The following SHISA5 variants were observed in gnomAD, a reference collection of about 807,000 sequenced individuals.
The protein encoded by SHISA5 is protein shisa-5.
Under a neutral mutation model 27.5 loss-of-function variants are expected in SHISA5, and 21 were observed. That is an observed-to-expected ratio of 0.76 (90% CI 0.54 to 1.10). The LOEUF is 1.10. SHISA5 is among the 50% of genes least tolerant of loss of function. The probability of loss-of-function intolerance (pLI) is 0.00; values close to 1 mark genes in which losing one functional copy is unlikely to be tolerated. For missense variants in SHISA5, 314 were observed against 336.3 expected, an observed-to-expected ratio of 0.93 and a Z score of 0.52; for synonymous variants, 137 against 142.2, an observed-to-expected ratio of 0.96 and a Z score of 0.26.
Position 48,473,455 on chromosome 3 carries a change from CAGG to C in SHISA5, c.315-3615_315-3613del. 7.7e-7 allele frequency: 1 copy of C among 1,295,514 alleles called. No individual in the cohort carries two copies. Among genetic ancestry groups the C allele is most frequent in the Non-Finnish European group, 1.0e-6 (1 of 993,036 alleles). The allele number at this position is 1,295,514 out of a possible 1,614,324, so 80.3% of individuals were successfully genotyped here. ...CCACCGGCCCTGTTCCACCAGCCTC[CAGG>C]AGGAGCTTCTGCATCCATCTAGGCC... is the stretch of plus-strand genomic sequence containing the variant. On this transcript the variant is annotated intron_variant, in intron 3 of 5. Transcript: ENST00000296444. This position sits in a 1 kb window ranked among gnomAD's most constrained non-coding sequence, Gnocchi z 4.3.
chr3:48,483,091 AT>A (rs71074250), intron 2 of SHISA5, among the ~76,000 whole-genome samples: 418 of 142,774 alleles, frequency 2.9e-3, no homozygotes, highest in Middle Eastern at 7.1e-3. Context: ...CACCTAGCTA[AT>A]TTTTTTTTTT....
intron 2 of SHISA5, among the ~76,000 whole-genome samples, chr3:48,481,911 CA>C (rs568696308): frequency 1.3e-5 from 2 of 149,650 alleles, no homozygotes; most frequent in East Asian, 2.0e-4. Flanking sequence ...ACTAAAAATA[CA>C]AAAAAAATTA....
chr3:48,473,682 C>G lies in SHISA5; in HGVS notation c.315-3839G>C, dbSNP rs999267229. ...CCAGCTATGGCTCCTGTAGCTCTTG[C>G]GATTACAAAGGAATTTGCTTTATAA... On this transcript the variant is annotated intron_variant, in intron 3 of 5. Transcript: ENST00000296444. The surrounding 1 kb of genome is among the most constrained non-coding windows in gnomAD (Gnocchi z 4.3). 4 of 1,025,922 alleles carry G rather than the reference C, an allele frequency of 3.9e-6. No individual in the cohort carries two copies. Among genetic ancestry groups the G allele is most frequent in the Non-Finnish European group, 5.0e-6 (4 of 802,880 alleles). 63.6% of individuals were successfully genotyped at this position (1,025,922 alleles called of 1,614,324 possible). A position where few individuals can be genotyped will look rare whatever the true frequency, so the allele number is the denominator to read the frequency against.
chr3:48,497,887 C>CAA (rs58891931), intron 2 of SHISA5, among the ~76,000 whole-genome samples: 10,297 of 132,878 alleles, frequency 0.077, 607 homozygotes, highest in African/African-American at 0.16. Flanking sequence ...GAGACTGTCT[C>CAA]AAAAAAAAAA....
chr3:48,501,587 C>A (rs540487885), intron 1 of SHISA5, among the ~76,000 whole-genome samples: 35 of 152,250 alleles, frequency 2.3e-4, no homozygotes, highest in Admixed American at 1.8e-3. Flanking sequence ...TGGGGCCACA[C>A]CCTGCTCTCA....
intron 3 of SHISA5, among the ~76,000 whole-genome samples, chr3:48,471,077 G>C (rs1002974932): frequency 6.6e-6 from 1 of 151,902 alleles, no homozygotes; most frequent in Non-Finnish European, 1.5e-5. Context: ...GCCCAGGCTG[G>C]AGTGCAGTGA....
intron 2 of SHISA5, among the ~76,000 whole-genome samples, chr3:48,484,416 T>C (rs921138588): frequency 4.6e-5 from 7 of 151,462 alleles, no homozygotes; most frequent in African/African-American, 7.3e-5. Context: ...GCCAACATGG[T>C]GAAACCCTGT....
At position 48,469,504 on chromosome 3, in the gene SHISA5, G is replaced by A; in HGVS notation, c.500C>T (p.Pro167Leu). The A allele has an allele frequency of 6.2e-7, 1 of 1,613,914 alleles. No homozygotes were observed. Among genetic ancestry groups the A allele is most frequent in the Non-Finnish European group, 8.5e-7 (1 of 1,179,928 alleles). ...APYPQPPSVPPSYPGPSYQGY... is the reference protein window; with the variant it reads ...APYPQPPSVPLSYPGPSYQGY... Reference sequence around the variant, plus strand: ...CTGGTAGCTTGGTCCAGGGTAGCTGGGCGGCACACTTGGAGGCTGAGGATA... The same window carrying A: ...CTGGTAGCTTGGTCCAGGGTAGCTGAGCGGCACACTTGGAGGCTGAGGATA... The change falls in exon 5 of 6, where the codon CCC becomes CTC. Residue 167 changes from proline to leucine, a missense_variant. By Grantham distance (98) the Pro-to-Leu change is moderately conservative (BLOSUM62 -3). Coordinates refer to ENST00000296444, the MANE Select transcript of SHISA5 (RefSeq NM_016479.6). This position sits in a 1 kb window ranked among gnomAD's most constrained non-coding sequence, Gnocchi z 4.6.
In SHISA5 at chr3:48,469,099, G is replaced by A. The variant is rs1193525168; in HGVS notation, c.*8C>T. 2 of 1,612,784 alleles carry A rather than the reference G, an allele frequency of 1.2e-6. No homozygotes were observed. The highest frequency in any genetic ancestry group is 2.7e-5 in the African/African-American group (2 of 74,936). ...AACCAAGTGGCAGCCAGAGAGGCCA[G>A]GGAATGCTCAGAGGGCCGCCTTCGG... is the stretch of plus-strand genomic sequence containing the variant. On this transcript the variant is annotated 3_prime_UTR_variant, in exon 6 of 6. Coordinates refer to ENST00000296444, the MANE Select transcript of SHISA5 (RefSeq NM_016479.6). This position sits in a 1 kb window ranked among gnomAD's most constrained non-coding sequence, Gnocchi z 4.6.
At chr3:48,501,064 A>G in intron 2 of SHISA5, 73 bp downstream of exon 2, 1 of 1,447,218 alleles carries the variant, frequency 6.9e-7, no homozygotes, top group Non-Finnish European at 9.4e-7. Context: ...GGGCAGAGCT[A>G]TCTCTCTTCC....
At position 48,470,637 on chromosome 3, in the gene SHISA5, T is replaced by C. The variant is rs1041519479; in HGVS notation, c.315-794A>G. Reference sequence around the variant, plus strand: ...CCTGGGCTGGGAAGCTCACCAAAATTGACTTCTAGGAGGGGGCAGTGGCTC... The same window carrying C: ...CCTGGGCTGGGAAGCTCACCAAAATCGACTTCTAGGAGGGGGCAGTGGCTC... On this transcript the variant is annotated intron_variant, in intron 3 of 5. Coordinates refer to ENST00000296444, the MANE Select transcript of SHISA5 (RefSeq NM_016479.6). The surrounding 1 kb of genome is among the most constrained non-coding windows in gnomAD (Gnocchi z 4.3). Among the ~76,000 whole-genome samples the C allele has an allele frequency of 6.6e-6, 1 of 152,112 alleles. No homozygotes were observed. Among genetic ancestry groups the C allele is most frequent in the African/African-American group, 2.4e-5 (1 of 41,428 alleles).
chr3:48,491,929 G>T (rs2041439687), intron 2 of SHISA5, among the ~76,000 whole-genome samples: 1 of 151,816 alleles, frequency 6.6e-6, no homozygotes, highest in Non-Finnish European at 1.5e-5. Flanking sequence ...TGCATTTCTG[G>T]CTTCACAGGT....
At chr3:48,472,021 A>G (rs1169383420) in intron 3 of SHISA5, among the ~76,000 whole-genome samples, 1 of 151,618 alleles carries the variant, frequency 6.6e-6, no homozygotes, top group Admixed American at 6.6e-5. Context: ...TGTCTCTACT[A>G]AAAATACAAA....
In SHISA5 at chr3:48,473,338, T is replaced by C. The variant is rs1411116404; in HGVS notation, c.315-3495A>G. 5.8e-6 allele frequency: 8 copies of C among 1,380,308 alleles called. No individual in the cohort carries two copies. Among genetic ancestry groups the C allele is most frequent in the Non-Finnish European group, 6.7e-6 (7 of 1,049,368 alleles). The allele number at this position is 1,380,308 out of a possible 1,614,324, so 85.5% of individuals were successfully genotyped here. A position where few individuals can be genotyped will look rare whatever the true frequency, so the allele number is the denominator to read the frequency against. ...CAGGGCCTGACCTCAGAATGCAGCC[T>C]GGCCACTAGGGGGTCTAAGAGCCAC... On this transcript the variant is annotated intron_variant, in intron 3 of 5. Transcript: ENST00000296444. The surrounding 1 kb of genome is among the most constrained non-coding windows in gnomAD (Gnocchi z 4.3).
rs1258319633 is a variant in SHISA5 at position 48,470,529 on chromosome 3, A to G, written c.315-686T>C. Among the ~76,000 whole-genome samples, 1 of 152,198 alleles carries G rather than the reference A, an allele frequency of 6.6e-6. No homozygotes were observed. Among genetic ancestry groups the G allele is most frequent in the Non-Finnish European group, 1.5e-5 (1 of 68,046 alleles). ...CTCTGACCTGCATGGCCACTTCCACAGGTGAGAGGGCCAAGAGCCAAGGGG... is the reference window on the plus strand; with the variant it reads ...CTCTGACCTGCATGGCCACTTCCACGGGTGAGAGGGCCAAGAGCCAAGGGG... On this transcript the variant is annotated intron_variant, in intron 3 of 5. Coordinates refer to ENST00000296444, the MANE Select transcript of SHISA5 (RefSeq NM_016479.6). The surrounding 1 kb of genome is among the most constrained non-coding windows in gnomAD (Gnocchi z 4.3).
rs2041806642 is a variant in SHISA5, at chr3:48,503,231, A to G, written c.76+788T>C. 2.5e-6 allele frequency: 3 copies of G among 1,223,802 alleles called. No individual in the cohort carries two copies. In the African/African-American group the frequency reaches 4.6e-5, roughly 19 times the overall value. 75.8% of individuals were successfully genotyped at this position (1,223,802 alleles called of 1,614,324 possible). On this transcript the variant is annotated intron_variant, in intron 1 of 5. Coordinates refer to ENST00000296444, the MANE Select transcript of SHISA5 (RefSeq NM_016479.6). ...CGGTGAGGCTGTTTAGGCTGAGTCC[A>G]TGGCACAAATGCTCTCTGACCCCCA...
In SHISA5 at chr3:48,473,163, G is replaced by A. The variant is rs1233489940; in HGVS notation, c.315-3320C>T. ...GACGTCAGCCACAGGAAGCACAGAC[G>A]CGAAGCCCCGTTCCACCCTCTTAAA... On this transcript the variant is annotated intron_variant, in intron 3 of 5. Transcript: ENST00000296444. This position sits in a 1 kb window ranked among gnomAD's most constrained non-coding sequence, Gnocchi z 4.3. 1.6e-5 allele frequency: 23 copies of A among 1,444,602 alleles called. No homozygotes were observed. Among genetic ancestry groups the A allele is most frequent in the Admixed American group, 2.6e-5 (1 of 37,758 alleles). The allele number at this position is 1,444,602 out of a possible 1,614,324, so 89.5% of individuals were successfully genotyped here.
Position 48,473,848 on chromosome 3 carries a change from C to T in SHISA5, c.315-4005G>A, listed in dbSNP as rs2040728170. On this transcript the variant is annotated intron_variant, in intron 3 of 5. Transcript: ENST00000296444. The surrounding 1 kb of genome is among the most constrained non-coding windows in gnomAD (Gnocchi z 4.3). ...GGCCGAGGCTTTTGGGAAGCTTGAGCCCAGGAGTTCGAGACCAGCCTGGGC... is the reference window on the plus strand; with the variant it reads ...GGCCGAGGCTTTTGGGAAGCTTGAGTCCAGGAGTTCGAGACCAGCCTGGGC... Among the ~76,000 whole-genome samples, 1 of 151,986 alleles carries T rather than the reference C, an allele frequency of 6.6e-6. No homozygotes were observed. Among genetic ancestry groups the T allele is most frequent in the African/African-American group, 2.4e-5 (1 of 41,354 alleles).
At chr3:48,479,549 G>A (rs2040935010) in intron 2 of SHISA5, 1 of 403,496 alleles carries the variant, frequency 2.5e-6, no homozygotes, top group African/African-American at 2.0e-5. Flanking sequence ...ACCACAACAG[G>A]ATGAAGTTAC....
Sources: gnomAD v4.1 joint callset for allele counts (sites outside exome capture counted in the v4.1 genomes callset) on GRCh38, gnomAD v4.1.1 for gene constraint, Gnocchi (gnomAD v3.1) non-coding constraint, MANE v1.5 for transcripts, NCBI Gene and HGNC (gene_info 2026-07-23, HGNC 2026-07-21) for gene names.